GIGYF2: variants seen among roughly 807,000 people sequenced by gnomAD.
GIGYF2 encodes the protein GRB10 interacting GYF protein 2, also known as GRB10-interacting GYF protein 2.
Under a neutral mutation model 208.1 loss-of-function variants are expected in GIGYF2, and 25 were observed. The ratio of observed to expected loss-of-function variants is 0.12; its 90% CI spans 0.09 to 0.17. The LOEUF (loss-of-function observed/expected upper bound fraction) is 0.17, where lower values mean the gene tolerates loss of function less well. GIGYF2 is among the 10% of genes least tolerant of loss of function. The pLI is 1.00. For missense variants in GIGYF2, 1,302 were observed against 1,579.4 expected, an observed-to-expected ratio of 0.82 and a Z score of 2.98; for synonymous variants, 534 against 543.8, an observed-to-expected ratio of 0.98 and a Z score of 0.25.
chr2:232,805,301 T>C (rs190871858), intron 14 of GIGYF2, among the ~76,000 whole-genome samples: 1 of 152,332 alleles, frequency 6.6e-6, no homozygotes. Context: ...CACGTGGTGG[T>C]TACGTCTTCA....
intron 12 of GIGYF2, among the ~76,000 whole-genome samples, chr2:232,794,057 G>A (rs906517990): frequency 6.6e-6 from 1 of 152,168 alleles, no homozygotes; most frequent in Non-Finnish European, 1.5e-5. Flanking sequence ...AGTGAGAGGA[G>A]CAGGAATTTG....
intron 18 of GIGYF2, among the ~76,000 whole-genome samples, chr2:232,814,564 A>ACCCCCCCCCCCCCCC (rs1187503725): frequency 1.5e-5 from 1 of 65,188 alleles, no homozygotes; most frequent in Non-Finnish European, 3.1e-5. Context: ...CTCCACCTCA[A>ACCCCCCCCCCCCCCC]ACCCCCCCCC....
chr2:232,805,865 C>T (rs1428023393), intron 14 of GIGYF2, among the ~76,000 whole-genome samples: 1 of 152,048 alleles, frequency 6.6e-6, no homozygotes, highest in Non-Finnish European at 1.5e-5. Flanking sequence ...TATTTATTGC[C>T]ATATCCCTAC....
intron 18 of GIGYF2, among the ~76,000 whole-genome samples, chr2:232,814,345 G>A (rs1022939034): frequency 4.0e-5 from 6 of 151,822 alleles, no homozygotes; most frequent in African/African-American, 1.2e-4. Context: ...GGTGGATCAC[G>A]AAGTCAGAAG....
chr2:232,815,308 A>G (rs1311250350), intron 18 of GIGYF2, among the ~76,000 whole-genome samples: 1 of 152,196 alleles, frequency 6.6e-6, no homozygotes, highest in Non-Finnish European at 1.5e-5. Context: ...CATGCTTGCC[A>G]TGTGCCCTTG....
intron 6 of GIGYF2, chr2:232,760,145 A>G (rs1698692115): frequency 1.2e-5 from 2 of 172,342 alleles, no homozygotes; most frequent in Non-Finnish European, 2.5e-5. Flanking sequence ...ACAATAAAAT[A>G]TTTAATCTAC....
intron 22 of GIGYF2, among the ~76,000 whole-genome samples, chr2:232,836,098 C>T (rs1701581347): frequency 6.7e-6 from 1 of 150,302 alleles, no homozygotes; most frequent in Non-Finnish European, 1.5e-5. Flanking sequence ...CACATGCTGC[C>T]AGCAAATATT....
chr2:232,776,683 G>T (rs1181997451), intron 8 of GIGYF2: 2 of 542,802 alleles, frequency 3.7e-6, no homozygotes, highest in Non-Finnish European at 6.6e-6. Context: ...ATGTGGAAAA[G>T]AATGCTGGTT....
intron 8 of GIGYF2, among the ~76,000 whole-genome samples, chr2:232,778,499 C>G (rs889150716): frequency 6.6e-6 from 1 of 152,152 alleles, no homozygotes; most frequent in Non-Finnish European, 1.5e-5. Flanking sequence ...CATAGCTCTC[C>G]CATTACAATA....
chr2:232,836,283 T>A (rs866519574), intron 22 of GIGYF2, among the ~76,000 whole-genome samples: 5 of 6,066 alleles, frequency 8.2e-4, no homozygotes, highest in African/African-American at 2.9e-3. Flanking sequence ...TATATATATA[T>A]ATATATATAT....
At chr2:232,804,243 A>G (rs1487497131) in intron 14 of GIGYF2, among the ~76,000 whole-genome samples, 1 of 151,972 alleles carries the variant, frequency 6.6e-6, no homozygotes, top group Non-Finnish European at 1.5e-5. Context: ...AGAAGACTTG[A>G]TGTCTTTACC....
chr2:232,724,813 A>G (rs1420314020), intron 2 of GIGYF2: 1 of 152,136 alleles, frequency 6.6e-6, no homozygotes, highest in Non-Finnish European at 1.5e-5. Context: ...TCAGTCTCCT[A>G]AAGCTTTGGG....
chr2:232,805,391 A>C (rs971461065), intron 14 of GIGYF2, among the ~76,000 whole-genome samples: 2 of 152,152 alleles, frequency 1.3e-5, no homozygotes, highest in South Asian at 4.2e-4. Flanking sequence ...TGTTTGGTGC[A>C]TACATATTAC....
At chr2:232,795,947 A>C in intron 13 of GIGYF2, 115 bp from the exon 14 acceptor site, 1 of 764,466 alleles carries the variant, frequency 1.3e-6, no homozygotes, top group Non-Finnish European at 2.3e-6. Flanking sequence ...TGTTCTTTGC[A>C]TAGTGACTTT....
Position 232,857,147 on chromosome 2 carries a change from CT to C in GIGYF2, c.*288del, listed in dbSNP as rs1690609667. 2.0e-6 allele frequency: 1 copy of C among 502,654 alleles called. No individual in the cohort carries two copies. Among genetic ancestry groups the C allele is most frequent in the South Asian group, 2.2e-5 (1 of 45,880 alleles). The allele number at this position is 502,654 out of a possible 1,614,324, so 31.1% of individuals were successfully genotyped here. Reference sequence around the variant, plus strand: ...TTTTAGGCAGCATGTGTTCACTGTGCTGTGATTTCATCTACTGTCTCCCAGA... The same window carrying C: ...TTTTAGGCAGCATGTGTTCACTGTGCGTGATTTCATCTACTGTCTCCCAGA... On this transcript the variant is annotated 3_prime_UTR_variant, in exon 29 of 29. Coordinates refer to ENST00000373563, the MANE Select transcript of GIGYF2 (RefSeq NM_001103146.3).
intron 3 of GIGYF2, chr2:232,736,077 C>G (rs974920576): frequency 2.1e-6 from 2 of 969,132 alleles, no homozygotes; most frequent in African/African-American, 3.5e-5. Flanking sequence ...ATTAACTTAT[C>G]CTATTAGAAA....
Position 232,838,103 on chromosome 2 carries a change from G to T in GIGYF2, c.2767-1746G>T, listed in dbSNP as rs114444765. ...GAAAGAGCTCTGGGATATTATTTCC[G>T]ATGTACAAAGAAGACTTAAGGAAAA... On this transcript the variant is annotated intron_variant, in intron 22 of 28. Transcript: ENST00000373563. Among the ~76,000 whole-genome samples the T allele has an allele frequency of 7.9e-3, 1,201 of 152,190 alleles. 14 individuals are homozygous for T. Among genetic ancestry groups the T allele is most frequent in the African/African-American group, 0.027 (1,113 of 41,516 alleles).
At chr2:232,815,978 C>T (rs1700895436) in intron 19 of GIGYF2, 1 of 491,670 alleles carries the variant, frequency 2.0e-6, no homozygotes, top group South Asian at 2.1e-5. Flanking sequence ...TGATTATAGA[C>T]ACATATATAT....
chr2:232,729,168 G>T (rs900712335), intron 2 of GIGYF2, among the ~76,000 whole-genome samples: 14 of 151,966 alleles, frequency 9.2e-5, no homozygotes, highest in African/African-American at 3.4e-4. Context: ...GTGTAGAGAT[G>T]AGGTTTTTGT....
Sources: gnomAD v4.1 joint callset for allele counts (sites outside exome capture counted in the v4.1 genomes callset) on GRCh38, gnomAD v4.1.1 for gene constraint, MANE v1.5 for transcripts, NCBI Gene and HGNC (gene_info 2026-07-23, HGNC 2026-07-21) for gene names.